PRMT7: variants seen among roughly 807,000 people sequenced by gnomAD.
PRMT7 encodes the protein protein arginine N-methyltransferase 7.
PRMT7 carries 75 observed loss-of-function variants against 85.4 expected under a neutral mutation model. That is an observed-to-expected ratio of 0.88 (90% CI 0.73 to 1.06). The LOEUF (loss-of-function observed/expected upper bound fraction) is 1.06, where lower values mean the gene tolerates loss of function less well. Among genes scored for constraint, PRMT7 ranks in the 50% least tolerant of loss-of-function variants. The pLI is 0.00. For synonymous variants in PRMT7, 397 were observed against 359.5 expected (o/e 1.10, Z -1.18); for missense variants, 868 against 915.2 (o/e 0.95, Z 0.67).
intron 6 of PRMT7, among the ~76,000 whole-genome samples, chr16:68,330,136 C>A (rs529985921): frequency 6.6e-6 from 1 of 151,970 alleles, no homozygotes. Flanking sequence ...TCAGGTGATC[C>A]GCCTGCCTCA....
At chr16:68,319,279 G>A (rs2082213855) in intron 3 of PRMT7, among the ~76,000 whole-genome samples, 1 of 152,152 alleles carries the variant, frequency 6.6e-6, no homozygotes, top group Non-Finnish European at 1.5e-5. Flanking sequence ...GCTGAAGAAG[G>A]AATCCCGGAA....
intron 2 of PRMT7, 36 bp from the exon 3 acceptor site, chr16:68,315,861 G>A (rs2044676612): frequency 1.8e-5 from 15 of 833,840 alleles, no homozygotes; most frequent in Non-Finnish European, 2.2e-5. Context: ...CTGTTCGTTT[G>A]TTTATATACC....
In PRMT7 at chr16:68,319,730, G is replaced by GTGTGTGTGTGTGTC. The variant is rs763273871; in HGVS notation, c.96-1685_96-1684insGTCTGTGTGTGTGT. Among the ~76,000 whole-genome samples the GTGTGTGTGTGTGTC allele has an allele frequency of 2.5e-3, 372 of 151,508 alleles. 2 individuals are homozygous for GTGTGTGTGTGTGTC. Among genetic ancestry groups the GTGTGTGTGTGTGTC allele is most frequent in the Non-Finnish European group, 4.0e-3 (272 of 67,868 alleles). On this transcript the variant is annotated intron_variant, in intron 3 of 18. Coordinates refer to ENST00000441236, the MANE Select transcript of PRMT7 (RefSeq NM_019023.5). ...AGTGAGAGTGTGTGTGTGTGTGTGTGTGTGTGTGTGTTCTGGGACTCTGCA... is the reference window on the plus strand; with the variant it reads ...AGTGAGAGTGTGTGTGTGTGTGTGTGTGTGTGTGTGTGTCTGTGTGTGTGTTCTGGGACTCTGCA...
At chr16:68,348,291 A>C in intron 13 of PRMT7, 51 bp from the exon 14 acceptor site, 1 of 1,419,808 alleles carries the variant, frequency 7.0e-7, no homozygotes, top group East Asian at 2.3e-5. Flanking sequence ...TTTTCCTGAC[A>C]AACACAATAC....
At chr16:68,324,349 C>T in intron 4 of PRMT7, 1 of 324,088 alleles carries the variant, frequency 3.1e-6, no homozygotes, top group South Asian at 2.9e-5. Flanking sequence ...AAGGAGCAAG[C>T]CTGCTCTGTC....
At chr16:68,320,388 T>C (rs186857350) in intron 3 of PRMT7, among the ~76,000 whole-genome samples, 1 of 152,292 alleles carries the variant, frequency 6.6e-6, no homozygotes, top group African/African-American at 2.4e-5. Flanking sequence ...TTTACCTACA[T>C]ATTTATTGAC....
chr16:68,347,070 G>C (rs746937373), intron 11 of PRMT7, 141 bp from the exon 12 acceptor site: 4 of 683,796 alleles, frequency 5.8e-6, no homozygotes, highest in Non-Finnish European at 1.0e-5. Flanking sequence ...GGCTGGGGGT[G>C]GTTACTGCAT....
chr16:68,350,434 C>CA (rs2087138022), intron 14 of PRMT7, among the ~76,000 whole-genome samples: 2 of 144,116 alleles, frequency 1.4e-5, no homozygotes, highest in Admixed American at 1.4e-4. Context: ...CTGGCATTGG[C>CA]TTTTTTTTTT....
chr16:68,351,928 A>G (rs1224454151), intron 14 of PRMT7: 1 of 203,742 alleles, frequency 4.9e-6, no homozygotes, highest in Non-Finnish European at 9.8e-6. Flanking sequence ...GCTTTTTTCT[A>G]TCACATGGGG....
intron 3 of PRMT7, chr16:68,318,817 G>A (rs2082166179): frequency 6.6e-6 from 1 of 152,338 alleles, no homozygotes; most frequent in Non-Finnish European, 1.5e-5. Context: ...ACAGGTGTGA[G>A]CCACAGTGTC....
At chr16:68,314,599 C>A (rs2044432775) in intron 2 of PRMT7, among the ~76,000 whole-genome samples, 1 of 152,150 alleles carries the variant, frequency 6.6e-6, no homozygotes, top group Non-Finnish European at 1.5e-5. Flanking sequence ...AGAAAAAAAA[C>A]TCTGGCCAAT....
intron 2 of PRMT7, among the ~76,000 whole-genome samples, chr16:68,312,575 C>G (rs749124355): frequency 4.6e-4 from 70 of 152,108 alleles, no homozygotes; most frequent in Non-Finnish European, 8.5e-4. Context: ...ATCTGCTCTG[C>G]AGTCTGACGG....
intron 9 of PRMT7, among the ~76,000 whole-genome samples, chr16:68,344,465 C>T (rs747993242): frequency 1.3e-5 from 2 of 152,232 alleles, no homozygotes; most frequent in African/African-American, 2.4e-5. Flanking sequence ...CCGTGGCCTT[C>T]AGCAGCAGCG....
At chr16:68,322,636 TAA>T (rs2082630894) in intron 4 of PRMT7, among the ~76,000 whole-genome samples, 1 of 152,170 alleles carries the variant, frequency 6.6e-6, no homozygotes, top group African/African-American at 2.4e-5. Context: ...ACTGGGTCAT[TAA>T]AAAGTGACAG....
chr16:68,344,063 G>A (rs2085946035), intron 9 of PRMT7, among the ~76,000 whole-genome samples: 1 of 152,176 alleles, frequency 6.6e-6, no homozygotes, highest in African/African-American at 2.4e-5. Context: ...GAACTCCTGG[G>A]CACAAGCGAT....
Position 68,339,581 on chromosome 16 carries a change from T to C in PRMT7, c.746+18T>C, listed in dbSNP as rs368929820. ...ATGTTCAGGTACCAAGGAGCCACCA[T>C]AGGTGATGGCGCTTTGAGACATTTG... On this transcript the variant is annotated intron_variant, in intron 8 of 18. Coordinates refer to ENST00000441236, the MANE Select transcript of PRMT7 (RefSeq NM_019023.5). 415 of 1,611,002 alleles carry C rather than the reference T, an allele frequency of 2.6e-4. No individual in the cohort carries two copies. The highest frequency in any genetic ancestry group is 2.0e-3 in the Middle Eastern group (12 of 6,056).
Position 68,352,423 on chromosome 16 carries a change from G to A in PRMT7, c.1575+14G>A, listed in dbSNP as rs369513360. ...GTGGAGTTCAGGGTAGGCCACCCAGGGGATGTTGGAGAAAAAAGCAGAGGA... is the reference window on the plus strand; with the variant it reads ...GTGGAGTTCAGGGTAGGCCACCCAGAGGATGTTGGAGAAAAAAGCAGAGGA... On this transcript the variant is annotated intron_variant, in intron 15 of 18. Coordinates refer to ENST00000441236, the MANE Select transcript of PRMT7 (RefSeq NM_019023.5). 3.8e-6 allele frequency: 6 copies of A among 1,575,398 alleles called. No individual in the cohort carries two copies. Among genetic ancestry groups the A allele is most frequent in the Non-Finnish European group, 5.2e-6 (6 of 1,162,992 alleles).
chr16:68,332,857 AG>A (rs887235839), intron 6 of PRMT7, among the ~76,000 whole-genome samples: 6 of 152,172 alleles, frequency 3.9e-5, no homozygotes, highest in Admixed American at 3.9e-4. Context: ...TTCCCTTCTT[AG>A]GGAGCAAACT....
rs373845531 is a variant in PRMT7, at chr16:68,312,005, A to G, written c.-218-37A>G. 2.0e-5 allele frequency: 3 copies of G among 151,794 alleles called. No homozygotes were observed. The East Asian group carries it at 5.8e-4, about 29-fold the overall frequency. The allele number at this position is 151,794 out of a possible 1,614,324, so 9.4% of individuals were successfully genotyped here. On this transcript the variant is annotated intron_variant, in intron 1 of 18. Coordinates refer to ENST00000441236, the MANE Select transcript of PRMT7 (RefSeq NM_019023.5). ...ATATAGTGCCTGGCACATAGAAGGT[A>G]TTTAATAAATTTTGTTATTTTATTT...
Sources: gnomAD v4.1 joint callset for allele counts (sites outside exome capture counted in the v4.1 genomes callset) on GRCh38, gnomAD v4.1.1 for gene constraint, MANE v1.5 for transcripts, NCBI Gene and HGNC (gene_info 2026-07-23, HGNC 2026-07-21) for gene names.